PRIM2: variants seen among roughly 807,000 people sequenced by gnomAD.
The protein encoded by PRIM2 is DNA primase subunit 2, also known as DNA primase large subunit.
Under a neutral mutation model 67.3 loss-of-function variants are expected in PRIM2, and 39 were observed. The observed-to-expected ratio is 0.58, with a 90% CI of 0.45 to 0.76. The LOEUF is 0.76. Among genes scored for constraint, PRIM2 ranks in the 30% least tolerant of loss-of-function variants. The pLI is 0.00. For missense variants in PRIM2, 398 were observed against 598.7 expected (o/e 0.66, Z 3.50); for synonymous variants, 143 against 198.7 (o/e 0.72, Z 2.36).
At chr6:57,303,161 C>T in the PRIM2 span, among the ~76,000 whole-genome samples, 1 of 152,062 alleles carries the variant, frequency 6.6e-6, no homozygotes, top group Non-Finnish European at 1.5e-5. Flanking sequence ...AATACATTTA[C>T]ATATTAAATA....
the PRIM2 span, among the ~76,000 whole-genome samples, chr6:57,225,359 T>C: frequency 6.6e-6 from 1 of 152,342 alleles, no homozygotes; most frequent in African/African-American, 2.4e-5. Context: ...TTATTTGACT[T>C]GAGGCTGCTC....
chr6:57,403,249 ATT>A lies in PRIM2; in HGVS notation c.693+21104_693+21105del, dbSNP rs71299587. On this transcript the variant is annotated intron_variant, in intron 7 of 13. Transcript: ENST00000615550. ...TTTGAAGGGATAGTTCAGGTGAAGA[ATT>A]TTTTTTTTTTTTTTTTTTTTTTGGA... 1.3e-4 allele frequency among the ~76,000 whole-genome samples: 14 copies of A among 110,182 alleles called. No individual in the cohort carries two copies. The East Asian group carries it at 1.7e-3, about 14-fold the overall frequency. 72.3% of individuals were successfully genotyped at this position (110,182 alleles called of 152,430 possible).
chr6:57,616,970 T>C (rs1233773949), intron 12 of PRIM2, among the ~76,000 whole-genome samples: 2,191 of 152,364 alleles, frequency 0.014, 20 homozygotes, highest in Middle Eastern at 0.051. Flanking sequence ...TGATACTCCA[T>C]TGTATGTCTG....
At chr6:57,454,618 A>T (rs1772690247) in intron 7 of PRIM2, among the ~76,000 whole-genome samples, 1 of 152,006 alleles carries the variant, frequency 6.6e-6, no homozygotes, top group South Asian at 2.1e-4. Flanking sequence ...TTTCTGTGGG[A>T]TTGGTGGTGA....
At chr6:57,416,945 T>C (rs1229290561) in intron 7 of PRIM2, among the ~76,000 whole-genome samples, 1 of 151,204 alleles carries the variant, frequency 6.6e-6, no homozygotes, top group Non-Finnish European at 1.5e-5. Flanking sequence ...GTAATATGGC[T>C]GCTTCACTTC....
chr6:57,520,306 T>C (rs1554348777), intron 8 of PRIM2, among the ~76,000 whole-genome samples: 3 of 151,990 alleles, frequency 2.0e-5, no homozygotes, highest in Non-Finnish European at 1.5e-5. Context: ...AATGGGAAGA[T>C]GTTGTCCATC....
intron 7 of PRIM2, among the ~76,000 whole-genome samples, chr6:57,441,374 AC>A (rs1274696383): frequency 2.0e-5 from 3 of 152,166 alleles, no homozygotes; most frequent in Non-Finnish European, 4.4e-5. Flanking sequence ...CAGTACATTA[AC>A]ATTTTTCTTT....
chr6:57,427,274 G>A (rs1169940304), intron 7 of PRIM2, among the ~76,000 whole-genome samples: 9 of 152,156 alleles, frequency 5.9e-5, no homozygotes, highest in Non-Finnish European at 1.3e-4. Flanking sequence ...TAGCTAAATT[G>A]TAATTTAAAC....
At chr6:57,276,262 C>T in the PRIM2 span, among the ~76,000 whole-genome samples, 28 of 151,786 alleles carry the variant, frequency 1.8e-4, no homozygotes, top group Non-Finnish European at 3.1e-4. Flanking sequence ...TGGTGGCTCA[C>T]GTCTGTAATC....
At chr6:57,443,624 G>T (rs941285644) in intron 7 of PRIM2, among the ~76,000 whole-genome samples, 47 of 151,912 alleles carry the variant, frequency 3.1e-4, no homozygotes, top group Admixed American at 2.5e-3. Context: ...TTGTTTTCTT[G>T]CTATTGAGTT....
the PRIM2 span, among the ~76,000 whole-genome samples, chr6:57,261,553 C>T: frequency 4.0e-4 from 61 of 152,272 alleles, no homozygotes; most frequent in Middle Eastern, 3.4e-3. Context: ...AAGAGCAAAA[C>T]AGGACAAGAC....
At chr6:57,424,979 G>A (rs1362624929) in intron 7 of PRIM2, among the ~76,000 whole-genome samples, 1 of 152,100 alleles carries the variant, frequency 6.6e-6, no homozygotes, top group South Asian at 2.1e-4. Flanking sequence ...GTGTAGGATA[G>A]AGGAATACCA....
At chr6:57,366,251 A>C (rs1769354223) in intron 5 of PRIM2, among the ~76,000 whole-genome samples, 1 of 152,226 alleles carries the variant, frequency 6.6e-6, no homozygotes. Flanking sequence ...GTGTAAAGTC[A>C]TAGAAGTGAA....
chr6:57,403,338 G>A (rs4591855), intron 7 of PRIM2, among the ~76,000 whole-genome samples: 1,162 of 122,522 alleles, frequency 9.5e-3, no homozygotes, highest in East Asian at 0.021. Flanking sequence ...CTCACTGCAA[G>A]CTCTGCCTCC....
At chr6:57,232,546 CAA>C in the PRIM2 span, among the ~76,000 whole-genome samples, 1 of 151,128 alleles carries the variant, frequency 6.6e-6, no homozygotes, top group Non-Finnish European at 1.5e-5. Context: ...AAGACTCTGT[CAA>C]AAAAAATAAA....
chr6:57,237,077 T>C, the PRIM2 span, among the ~76,000 whole-genome samples: 3 of 151,896 alleles, frequency 2.0e-5, no homozygotes, highest in African/African-American at 7.2e-5. Context: ...CCAGCACCTG[T>C]TGTTTCCTGA....
chr6:57,460,818 T>C (rs1202256783), intron 7 of PRIM2, among the ~76,000 whole-genome samples: 3 of 152,252 alleles, frequency 2.0e-5, no homozygotes, highest in Non-Finnish European at 4.4e-5. Context: ...TGGGGTAAGA[T>C]CAATTTTATG....
chr6:57,261,738 T>A, the PRIM2 span, among the ~76,000 whole-genome samples: 1 of 152,088 alleles, frequency 6.6e-6, no homozygotes, highest in South Asian at 2.1e-4. Context: ...AAAGGAAAGG[T>A]TGGGTTATTT....
chr6:57,552,968 GTATTT>G (rs1775433787), intron 10 of PRIM2, among the ~76,000 whole-genome samples: 1 of 151,968 alleles, frequency 6.6e-6, no homozygotes. Flanking sequence ...CAAATAAATT[GTATTT>G]TATTCTATTA....
Sources: gnomAD v4.1 joint callset for allele counts (sites outside exome capture counted in the v4.1 genomes callset) on GRCh38, gnomAD v4.1.1 for gene constraint, MANE v1.5 for transcripts, NCBI Gene and HGNC (gene_info 2026-07-23, HGNC 2026-07-21) for gene names.